The following DDX60 variants were observed in gnomAD, a reference collection of about 807,000 sequenced individuals.
The protein encoded by DDX60 is probable ATP-dependent RNA helicase DDX60.
Under a neutral mutation model 212.8 loss-of-function variants are expected in DDX60, and 165 were observed. The observed-to-expected ratio is 0.78, with a 90% confidence interval of 0.68 to 0.88. The LOEUF (loss-of-function observed/expected upper bound fraction) is 0.88, where lower values mean the gene tolerates loss of function less well. Ranked by LOEUF, DDX60 falls within the 40% of genes least tolerant of loss-of-function variation. DDX60 has a pLI of 0.00. For synonymous variants in DDX60, 703 were observed against 685.3 expected, an observed-to-expected ratio of 1.03 and a Z score of -0.40; for missense variants, 1,905 against 2,003.9, an observed-to-expected ratio of 0.95 and a Z score of 0.94.
At chr4:168,218,031 T>A (rs1310563234) in intron 37 of DDX60, among the ~76,000 whole-genome samples, 1 of 152,178 alleles carries the variant, frequency 6.6e-6, no homozygotes, top group Non-Finnish European at 1.5e-5. Flanking sequence ...AATCCAAGAA[T>A]GAACAGTACA....
chr4:168,269,871 A>C (rs567236248), intron 19 of DDX60, among the ~76,000 whole-genome samples: 27 of 152,236 alleles, frequency 1.8e-4, no homozygotes, highest in Admixed American at 1.0e-3. Context: ...CTCTGCTTAA[A>C]ATACTCTTAC....
Position 168,291,903 on chromosome 4 carries a change from T to C in DDX60, c.886A>G (p.Asn296Asp). 1 of 1,604,544 alleles carries C rather than the reference T, an allele frequency of 6.2e-7. No individual in the cohort carries two copies. The highest frequency in any genetic ancestry group is 1.3e-5 in the African/African-American group (1 of 74,340). ...SGQETEIQQV[N>D]SNCLTLQEME... Reference sequence around the variant, plus strand: ...TCCTGCAGGGTTAAGCAATTACTGTTCACCTGAATAAAATAAAGAAGGTAT... The same window carrying C: ...TCCTGCAGGGTTAAGCAATTACTGTCCACCTGAATAAAATAAAGAAGGTAT... The change falls in exon 8 of 38, where the codon AAC becomes GAC. Residue 296 changes from asparagine to aspartate, a missense_variant. Transcript: ENST00000393743.
In DDX60 at chr4:168,268,957, C is replaced by A; in HGVS notation, c.2683G>T (p.Gly895Cys). 2.6e-6 allele frequency: 4 copies of A among 1,562,884 alleles called. No homozygotes were observed. Among genetic ancestry groups the A allele is most frequent in the Non-Finnish European group, 3.5e-6 (4 of 1,150,928 alleles). The change falls in exon 20 of 38, where the codon GGT (glycine) becomes TGT (cysteine). Residue 895 changes from glycine to cysteine, a missense_variant. Physicochemically the swap from Gly to Cys is radical, Grantham distance 159 (BLOSUM62 -3). Transcript: ENST00000393743. ...CAGATTTCTGCTCCAATTTCTCCAC[C>A]AAGACAATGAACCTATTAAACAAAA... ...YVIFDEVHCL[G>C]GEIGAEIWEH...
intron 30 of DDX60, among the ~76,000 whole-genome samples, chr4:168,243,463 T>G (rs115605620): frequency 0.028 from 4,203 of 152,074 alleles, 86 homozygotes; most frequent in South Asian, 0.076. Flanking sequence ...GAAAGGACAC[T>G]TCTCAAAAAA....
At chr4:168,300,604 G>A (rs2149544657) in intron 6 of DDX60, among the ~76,000 whole-genome samples, 1 of 152,072 alleles carries the variant, frequency 6.6e-6, no homozygotes, top group South Asian at 2.1e-4. Context: ...GTGTGTGTGT[G>A]TGTGTAGTGG....
chr4:168,297,918 T>C (rs889372313), intron 6 of DDX60, among the ~76,000 whole-genome samples: 2 of 151,010 alleles, frequency 1.3e-5, no homozygotes, highest in African/African-American at 2.4e-5. Flanking sequence ...AATAAAATAA[T>C]AGTAATAATG....
intron 1 of DDX60, among the ~76,000 whole-genome samples, chr4:168,317,062 A>AC (rs752924628): frequency 0.026 from 3,881 of 149,412 alleles, 61 homozygotes; most frequent in Non-Finnish European, 0.042. Context: ...CGTCTCAAAA[A>AC]AAAAAAAAAA....
Position 168,306,498 on chromosome 4 carries a change from T to A in DDX60, c.487A>T (p.Ile163Phe). ...LQTQLFNFLI[I>F]HSWARKVNVV... ...TTGACCTTCCTTGCCCAAGAATGAA[T>A]GATTAAAAAGTTGAAAAGCTGTGTT... is the stretch of plus-strand genomic sequence containing the variant. The change falls in exon 5 of 38, where the codon ATT (isoleucine) becomes TTT (phenylalanine). Residue 163 changes from isoleucine to phenylalanine, a missense_variant. By Grantham distance (21) the Ile-to-Phe change is conservative. Coordinates refer to ENST00000393743, the MANE Select transcript of DDX60 (RefSeq NM_017631.6). The A allele has an allele frequency of 6.2e-7, 1 of 1,614,146 alleles. No homozygotes were observed. Among genetic ancestry groups the A allele is most frequent in the Non-Finnish European group, 8.5e-7 (1 of 1,180,020 alleles).
chr4:168,282,610 G>C (rs755284404), intron 13 of DDX60, among the ~76,000 whole-genome samples: 14 of 152,056 alleles, frequency 9.2e-5, no homozygotes, highest in Non-Finnish European at 1.8e-4. Flanking sequence ...TTCATCTTGA[G>C]AGAAACTTTT....
At chr4:168,261,220 C>T (rs1734611629) in intron 24 of DDX60, among the ~76,000 whole-genome samples, 2 of 151,962 alleles carry the variant, frequency 1.3e-5, no homozygotes, top group South Asian at 4.2e-4. Context: ...TGCAATTTAA[C>T]CTGCAATTTT....
rs1553976520 is a variant in DDX60, at chr4:168,317,074, A to AG, written c.-107+1547_-107+1548insC. Among the ~76,000 whole-genome samples the AG allele has an allele frequency of 6.0e-3, 894 of 148,766 alleles. 4 individuals are homozygous for AG. The highest frequency in any genetic ancestry group is 0.017 in the Middle Eastern group (5 of 286). The stretch of plus-strand genomic sequence containing the variant: ...CTCCGTCTCAAAAAAAAAAAAAAAA[A>AG]AAGAAGAAGAAGAAAAAAAAGAAAA... On this transcript the variant is annotated intron_variant, in intron 1 of 37. Transcript: ENST00000393743.
At chr4:168,284,703 T>C in intron 12 of DDX60, 117 bp downstream of exon 12, 1 of 502,806 alleles carries the variant, frequency 2.0e-6, no homozygotes, top group Middle Eastern at 3.0e-4. Context: ...AAATATCTTG[T>C]AGACTATTTT....
At chr4:168,250,732 G>T (rs1285749629) in intron 28 of DDX60, among the ~76,000 whole-genome samples, 1 of 151,402 alleles carries the variant, frequency 6.6e-6, no homozygotes, top group East Asian at 2.0e-4. Context: ...CACCATGTTG[G>T]CCAGGCTGGT....
intron 25 of DDX60, among the ~76,000 whole-genome samples, chr4:168,260,289 G>A (rs1034432369): frequency 5.3e-5 from 8 of 151,934 alleles, no homozygotes; most frequent in East Asian, 1.9e-4. Flanking sequence ...AACAGGCCCC[G>A]GTGTGTGATG....
At chr4:168,238,413 GAGA>G (rs1474387888) in intron 30 of DDX60, among the ~76,000 whole-genome samples, 1,564 of 120,784 alleles carry the variant, frequency 0.013, 57 homozygotes, top group African/African-American at 0.046. Context: ...GGGAGGGGAG[GAGA>G]GGGGAGGGAA....
chr4:168,270,642 C>T (rs565077988), intron 19 of DDX60, among the ~76,000 whole-genome samples: 2 of 152,138 alleles, frequency 1.3e-5, no homozygotes, highest in African/African-American at 2.4e-5. Flanking sequence ...TATTCAAGAC[C>T]TTCATGATGC....
chr4:168,220,777 A>G, intron 36 of DDX60, 60 bp from the exon 37 acceptor site: 1 of 909,436 alleles, frequency 1.1e-6, no homozygotes, highest in Admixed American at 3.2e-5. Flanking sequence ...ATCCTATTTT[A>G]TATTTAAATG....
intron 33 of DDX60, among the ~76,000 whole-genome samples, chr4:168,226,115 A>G (rs1733245436): frequency 1.3e-5 from 2 of 151,904 alleles, no homozygotes; most frequent in African/African-American, 4.8e-5. Context: ...TTAGTTAACT[A>G]TTTTTTCACT....
intron 14 of DDX60, among the ~76,000 whole-genome samples, chr4:168,277,096 T>C (rs969101895): frequency 2.0e-5 from 3 of 152,238 alleles, no homozygotes; most frequent in African/African-American, 7.2e-5. Flanking sequence ...TGGAACAAGA[T>C]CATTTCACTT....
Sources: allele counts gnomAD v4.1 joint callset (sites outside exome capture counted in the v4.1 genomes callset), GRCh38; gene constraint gnomAD v4.1.1; transcripts MANE v1.5; gene names NCBI Gene and HGNC (gene_info 2026-07-23, HGNC 2026-07-21).